Variants in FCHO2 observed in about 807,000 individuals in gnomAD.
FCHO2 encodes F-BAR domain only protein 2.
In FCHO2, 43 loss-of-function variants were observed where a neutral mutation model predicts 114.1. The observed-to-expected ratio is 0.38, with a 90% CI of 0.30 to 0.49. FCHO2 has a LOEUF of 0.49. Among genes scored for constraint, FCHO2 ranks in the 20% least tolerant of loss-of-function variants. The probability of loss-of-function intolerance (pLI) is 0.97; values close to 1 mark genes in which losing one functional copy is unlikely to be tolerated. For missense variants in FCHO2, 807 were observed against 950.4 expected (o/e 0.85, Z 1.98); for synonymous variants, 293 against 315.2 (o/e 0.93, Z 0.75).
rs768979093 is a variant in FCHO2, at chr5:72,968,501, GA to G, written c.44del (p.Asn15IlefsTer11). 31 of 1,496,784 alleles carry G rather than the reference GA, an allele frequency of 2.1e-5. No homozygotes were observed. Among genetic ancestry groups the G allele is most frequent in the East Asian group, 5.1e-5 (2 of 39,268 alleles). The allele number at this position is 1,496,784 out of a possible 1,614,324, so 92.7% of individuals were successfully genotyped here. ...TAAAAATCTTTTTAAATTTTAGGGGGAAAAAAATAGTGGCTTTGATGTCCTC... is the reference window on the plus strand; with the variant it reads ...TAAAAATCTTTTTAAATTTTAGGGGGAAAAAATAGTGGCTTTGATGTCCTC... Reference protein sequence around the residue: ...MAYFVENFWGEKNSGFDVLYH... With the variant: ...MAYFVENFWGXKNSGFDVLYH... On this transcript the variant is annotated frameshift_variant, in exon 2 of 26. Transcript: ENST00000430046. LOFTEE classifies it high-confidence loss of function.
At chr5:73,004,807 G>A (rs1167250287) in intron 5 of FCHO2, among the ~76,000 whole-genome samples, 3 of 152,080 alleles carry the variant, frequency 2.0e-5, no homozygotes, top group Non-Finnish European at 4.4e-5. Context: ...CACATATGAT[G>A]TTATTACAGT....
intron 5 of FCHO2, among the ~76,000 whole-genome samples, chr5:72,995,920 A>G (rs1754067226): frequency 6.6e-6 from 1 of 152,082 alleles, no homozygotes; most frequent in Non-Finnish European, 1.5e-5. Context: ...CAGCTCCTCT[A>G]ATCATAGATC....
At chr5:72,973,945 T>C (rs1752714513) in intron 2 of FCHO2, among the ~76,000 whole-genome samples, 1 of 151,028 alleles carries the variant, frequency 6.6e-6, no homozygotes, top group Non-Finnish European at 1.5e-5. Flanking sequence ...TATTTCTGCC[T>C]TCATTTCGTT....
At chr5:73,044,695 TC>T (rs1228127235) in intron 11 of FCHO2, among the ~76,000 whole-genome samples, 2 of 152,120 alleles carry the variant, frequency 1.3e-5, no homozygotes, top group Non-Finnish European at 2.9e-5. Context: ...TCTTTTTCTT[TC>T]TTTTTTTTTG....
At chr5:73,056,381 C>T (rs189368319) in intron 16 of FCHO2, among the ~76,000 whole-genome samples, 4 of 152,246 alleles carry the variant, frequency 2.6e-5, no homozygotes, top group South Asian at 2.1e-4. Flanking sequence ...GACATGTATT[C>T]GTCATTATAG....
chr5:73,002,152 T>C (rs546120810), intron 5 of FCHO2, among the ~76,000 whole-genome samples: 5 of 152,118 alleles, frequency 3.3e-5, no homozygotes, highest in Non-Finnish European at 7.4e-5. Context: ...GACCAGGATT[T>C]ATAGTGAGAA....
chr5:73,033,865 G>A (rs889590934), intron 8 of FCHO2, among the ~76,000 whole-genome samples: 2 of 152,146 alleles, frequency 1.3e-5, no homozygotes, highest in Non-Finnish European at 2.9e-5. Flanking sequence ...GCTAGTCTGA[G>A]CAGTCAGTCA....
rs1341201878 is a variant in FCHO2 at position 73,088,182 on chromosome 5, G to A, written c.*92G>A. 1 of 1,531,582 alleles carries A rather than the reference G, an allele frequency of 6.5e-7. No individual in the cohort carries two copies. The highest frequency in any genetic ancestry group is 1.2e-5 in the South Asian group (1 of 84,864). The allele number at this position is 1,531,582 out of a possible 1,614,324, so 94.9% of individuals were successfully genotyped here. A position where few individuals can be genotyped will look rare whatever the true frequency, so the allele number is the denominator to read the frequency against. ...CAAACACTATTTTAACTTGTATGAT[G>A]TCTTTCAAACTTAGACATATTTGAG... On this transcript the variant is annotated 3_prime_UTR_variant, in exon 26 of 26. Transcript: ENST00000430046.
At chr5:72,982,688 T>G (rs1259571292) in intron 2 of FCHO2, among the ~76,000 whole-genome samples, 1 of 152,186 alleles carries the variant, frequency 6.6e-6, no homozygotes, top group Non-Finnish European at 1.5e-5. Context: ...TTCTAAAAAG[T>G]CGTCACCATA....
At chr5:73,015,551 G>A in intron 6 of FCHO2, 75 bp from the exon 7 acceptor site, 1 of 877,196 alleles carries the variant, frequency 1.1e-6, no homozygotes, top group Non-Finnish European at 1.7e-6. Flanking sequence ...ATTTCTGAAA[G>A]CTCTTTTGAT....
At position 72,959,410 on chromosome 5, in the gene FCHO2, A is replaced by G. The variant is rs1751730862; in HGVS notation, c.33+3281A>G. ...GTAGTCCCAGCTACTTGGAAGGCTAAGGTAGGAGGATTGCTTGAGCCCAGG... is the reference window on the plus strand; with the variant it reads ...GTAGTCCCAGCTACTTGGAAGGCTAGGGTAGGAGGATTGCTTGAGCCCAGG... On this transcript the variant is annotated intron_variant, in intron 1 of 25. Transcript: ENST00000430046. 1.3e-5 allele frequency among the ~76,000 whole-genome samples: 2 copies of G among 152,112 alleles called. 1 individual carries two copies. The highest frequency in any genetic ancestry group is 4.1e-4 in the South Asian group (2 of 4,832).
intron 1 of FCHO2, among the ~76,000 whole-genome samples, chr5:72,959,151 G>C (rs879631044): frequency 6.6e-6 from 1 of 152,190 alleles, no homozygotes; most frequent in Non-Finnish European, 1.5e-5. Context: ...GGGCTGTGAG[G>C]AGGCTCAGTG....
intron 1 of FCHO2, among the ~76,000 whole-genome samples, chr5:72,962,332 T>C (rs1300704524): frequency 6.6e-6 from 1 of 152,192 alleles, no homozygotes; most frequent in African/African-American, 2.4e-5. Flanking sequence ...CTGTAGTCCT[T>C]TCAGAACTAC....
At chr5:73,086,433 T>C (rs1019821580) in intron 24 of FCHO2, among the ~76,000 whole-genome samples, 1 of 152,256 alleles carries the variant, frequency 6.6e-6, no homozygotes, top group Non-Finnish European at 1.5e-5. Flanking sequence ...TAAGCTTCTG[T>C]GCAGGGGATC....
chr5:73,082,211 T>TGA (rs903705889), intron 23 of FCHO2, among the ~76,000 whole-genome samples: 2 of 152,034 alleles, frequency 1.3e-5, no homozygotes, highest in African/African-American at 4.8e-5. Context: ...ACTTCAATGA[T>TGA]TCCATACTAA....
chr5:72,961,669 G>C (rs1013721835), intron 1 of FCHO2, among the ~76,000 whole-genome samples: 3 of 151,104 alleles, frequency 2.0e-5, no homozygotes, highest in Non-Finnish European at 4.4e-5. Flanking sequence ...ATCTCAGCTC[G>C]CTGCAACCTC....
chr5:72,982,271 C>T (rs535139981), intron 2 of FCHO2, among the ~76,000 whole-genome samples: 27 of 152,258 alleles, frequency 1.8e-4, no homozygotes, highest in African/African-American at 5.3e-4. Flanking sequence ...TGAGATGAGC[C>T]GGGTACCTCA....
intron 25 of FCHO2, 23 bp from the exon 26 acceptor site, chr5:73,088,045 A>G (rs1213632717): frequency 6.2e-7 from 1 of 1,613,136 alleles, no homozygotes; most frequent in Non-Finnish European, 8.5e-7. Flanking sequence ...TGTAATTGCA[A>G]AGGTCTGCTT....
At chr5:72,983,000 G>A (rs1476663606) in intron 2 of FCHO2, among the ~76,000 whole-genome samples, 2 of 151,212 alleles carry the variant, frequency 1.3e-5, no homozygotes, top group African/African-American at 2.4e-5. Flanking sequence ...CGCAAGCTCC[G>A]CTTCCCGGGT....
Sources: gnomAD v4.1 joint callset for allele counts (sites outside exome capture counted in the v4.1 genomes callset) on GRCh38, gnomAD v4.1.1 for gene constraint, MANE v1.5 for transcripts, NCBI Gene and HGNC (gene_info 2026-07-23, HGNC 2026-07-21) for gene names.